Variants in IMPG1 observed in about 807,000 individuals in gnomAD.
IMPG1 encodes the protein interphotoreceptor matrix proteoglycan 1.
In IMPG1, 85 loss-of-function variants were observed where a neutral mutation model predicts 92.0. The ratio of observed to expected loss-of-function variants is 0.92; its 90% CI spans 0.78 to 1.11. The LOEUF (loss-of-function observed/expected upper bound fraction) is 1.11. Among genes scored for constraint, IMPG1 ranks in the 50% least tolerant of loss-of-function variants. The probability of loss-of-function intolerance (pLI) is 0.00; values close to 1 mark genes in which losing one functional copy is unlikely to be tolerated. For synonymous variants in IMPG1, 367 were observed against 334.1 expected, an observed-to-expected ratio of 1.10 and a Z score of -1.08; for missense variants, 1,022 against 956.0, an observed-to-expected ratio of 1.07 and a Z score of -0.91.
At chr6:76,044,677 C>T (rs558274518) in intron 1 of IMPG1, among the ~76,000 whole-genome samples, 29 of 144,814 alleles carry the variant, frequency 2.0e-4, no homozygotes, top group Non-Finnish European at 3.4e-4. Context: ...TAACACTTTG[C>T]GCATATCCAG....
intron 1 of IMPG1, among the ~76,000 whole-genome samples, chr6:76,070,384 G>T (rs1275841793): frequency 6.6e-6 from 1 of 152,050 alleles, no homozygotes; most frequent in Non-Finnish European, 1.5e-5. Context: ...AAATTAGTAC[G>T]ACCTCTATGG....
intron 12 of IMPG1, among the ~76,000 whole-genome samples, chr6:76,001,885 T>G (rs1221551149): frequency 4.6e-5 from 7 of 152,332 alleles, no homozygotes; most frequent in Non-Finnish European, 7.4e-5. Flanking sequence ...ATCATGTAAA[T>G]GAAATCCAAT....
At chr6:76,052,041 A>G (rs1784051670) in intron 1 of IMPG1, among the ~76,000 whole-genome samples, 1 of 152,098 alleles carries the variant, frequency 6.6e-6, no homozygotes, top group Admixed American at 6.6e-5. Flanking sequence ...CTGAGTTACA[A>G]ACATAGGCAC....
At chr6:76,064,041 G>A (rs528723860) in intron 1 of IMPG1, among the ~76,000 whole-genome samples, 1 of 152,212 alleles carries the variant, frequency 6.6e-6, no homozygotes, top group South Asian at 2.1e-4. Context: ...ATGGAGAGGG[G>A]GACTACTCAT....
intron 9 of IMPG1, among the ~76,000 whole-genome samples, chr6:76,006,175 GAC>G (rs1202230598): frequency 6.6e-6 from 1 of 151,872 alleles, no homozygotes; most frequent in Non-Finnish European, 1.5e-5. Flanking sequence ...TGCTGGTATT[GAC>G]CACTATTTTT....
At chr6:76,069,026 A>G (rs896337490) in intron 1 of IMPG1, among the ~76,000 whole-genome samples, 1 of 152,118 alleles carries the variant, frequency 6.6e-6, no homozygotes, top group African/African-American at 2.4e-5. Flanking sequence ...CATGGTACTG[A>G]TATAAAAAGA....
chr6:75,982,572 T>A (rs1177171661), intron 12 of IMPG1, among the ~76,000 whole-genome samples: 1 of 147,766 alleles, frequency 6.8e-6, no homozygotes, highest in African/African-American at 2.5e-5. Context: ...TATATATCTA[T>A]ATAGATATAT....
At chr6:76,022,979 T>C (rs537126075) in intron 5 of IMPG1, among the ~76,000 whole-genome samples, 16 of 152,310 alleles carry the variant, frequency 1.1e-4, no homozygotes, top group Non-Finnish European at 2.2e-4. Context: ...AAACAAGATA[T>C]ACTGAAAAAT....
At chr6:75,966,633 A>G (rs570928366) in intron 12 of IMPG1, among the ~76,000 whole-genome samples, 1 of 152,352 alleles carries the variant, frequency 6.6e-6, no homozygotes, top group African/African-American at 2.4e-5. Flanking sequence ...TGACAGTAAC[A>G]TAGAATGGAA....
At chr6:75,969,386 A>G (rs1009629986) in intron 12 of IMPG1, among the ~76,000 whole-genome samples, 1 of 152,200 alleles carries the variant, frequency 6.6e-6, no homozygotes, top group African/African-American at 2.4e-5. Context: ...AAATTGAAAT[A>G]TGTGTACATA....
intron 1 of IMPG1, among the ~76,000 whole-genome samples, chr6:76,059,491 T>C (rs1268682833): frequency 6.6e-6 from 1 of 152,062 alleles, no homozygotes; most frequent in East Asian, 1.9e-4. Flanking sequence ...TATTCTGAGA[T>C]CAGTTATGAA....
At chr6:75,986,091 T>C (rs992915998) in intron 12 of IMPG1, among the ~76,000 whole-genome samples, 4 of 152,198 alleles carry the variant, frequency 2.6e-5, no homozygotes, top group Admixed American at 2.0e-4. Context: ...GTGTTCATCA[T>C]GGTAAATGAT....
In IMPG1 at chr6:75,951,003, A is replaced by G; in HGVS notation, c.1383T>C (p.Asp461=). ...FMASSIFSLT[D]QGTTDTMATD... ...TGGCCATTGTATCTGTGGTGCCTTGATCAGTCAGAGAGAAGATGCTTGATG... is the reference window on the plus strand; with the variant it reads ...TGGCCATTGTATCTGTGGTGCCTTGGTCAGTCAGAGAGAAGATGCTTGATG... The change falls in exon 13 of 17, where the codon GAT becomes GAC. Residue 461 remains aspartate (D), a synonymous_variant. Transcript: ENST00000369950. 1 of 1,613,922 alleles carries G rather than the reference A, an allele frequency of 6.2e-7. No homozygotes were observed. Among genetic ancestry groups the G allele is most frequent in the Non-Finnish European group, 8.5e-7 (1 of 1,179,924 alleles).
intron 4 of IMPG1, among the ~76,000 whole-genome samples, chr6:76,028,482 T>A (rs911184924): frequency 1.3e-5 from 2 of 152,226 alleles, no homozygotes; most frequent in Non-Finnish European, 2.9e-5. Flanking sequence ...ATACTGCTGA[T>A]CCTTGTTTTA....
At position 75,973,299 on chromosome 6, in the gene IMPG1, C is replaced by CT. The variant is rs1554230160; in HGVS notation, c.1292-22206_1292-22205insA. Among the ~76,000 whole-genome samples, 136 of 130,816 alleles carry CT rather than the reference C, an allele frequency of 1.0e-3. 3 individuals are homozygous for CT. The East Asian group carries it at 0.029, about 27-fold the overall frequency. The allele number at this position is 130,816 out of a possible 152,430, so 85.8% of individuals were successfully genotyped here. A position where few individuals can be genotyped will look rare whatever the true frequency, so the allele number is the denominator to read the frequency against. ...CTGGCTGCAATCCTACTTTCCCCCC[C>CT]GCCCAAAACTGATCTTTCTGTATAT... On this transcript the variant is annotated intron_variant, in intron 12 of 16. Transcript: ENST00000369950.
intron 12 of IMPG1, among the ~76,000 whole-genome samples, chr6:75,962,208 C>A (rs916593838): frequency 6.6e-6 from 1 of 152,120 alleles, no homozygotes; most frequent in African/African-American, 2.4e-5. Context: ...CAGCCTTAAA[C>A]TCCCTGTCTC....
chr6:75,969,095 TAC>T (rs1782359525), intron 12 of IMPG1, among the ~76,000 whole-genome samples: 1 of 152,170 alleles, frequency 6.6e-6, no homozygotes, highest in Non-Finnish European at 1.5e-5. Flanking sequence ...ATGTGGAATC[TAC>T]AAAAGTCAAA....
Position 75,925,624 on chromosome 6 carries a change from C to T in IMPG1, c.2244-1918G>A, listed in dbSNP as rs138253306. Among the ~76,000 whole-genome samples the T allele has an allele frequency of 6.8e-4, 103 of 152,066 alleles. No homozygotes were observed. In the East Asian group the frequency reaches 0.013, roughly 19 times the overall value. ...GGAGGATTGCTTGAGCCAAGGAGTT[C>T]GAGACCAGCCTGGGCAACACAGTGA... On this transcript the variant is annotated intron_variant, in intron 15 of 16. Coordinates refer to ENST00000369950, the MANE Select transcript of IMPG1 (RefSeq NM_001563.4).
chr6:76,007,208 T>C (rs1368050933), intron 9 of IMPG1, among the ~76,000 whole-genome samples: 1 of 152,224 alleles, frequency 6.6e-6, no homozygotes, highest in Non-Finnish European at 1.5e-5. Context: ...AGTGTTTTTA[T>C]GTTTTTCTAA....
Sources: gnomAD v4.1 joint callset for allele counts (sites outside exome capture counted in the v4.1 genomes callset) on GRCh38, gnomAD v4.1.1 for gene constraint, MANE v1.5 for transcripts, NCBI Gene and HGNC (gene_info 2026-07-23, HGNC 2026-07-21) for gene names.